Variants in SVEP1 observed in about 807,000 individuals in gnomAD.
SVEP1 encodes the protein sushi, von Willebrand factor type A, EGF and pentraxin domain-containing protein 1.
SVEP1 carries 164 observed loss-of-function variants against 367.3 expected under a neutral mutation model. The observed-to-expected ratio is 0.45, with a 90% confidence interval of 0.39 to 0.51. The LOEUF (loss-of-function observed/expected upper bound fraction) is 0.51. Ranked by LOEUF, SVEP1 falls within the 20% of genes least tolerant of loss-of-function variation. The pLI is 0.00. For missense variants in SVEP1, 4,117 were observed against 4,425.3 expected, an observed-to-expected ratio of 0.93 and a Z score of 1.98; for synonymous variants, 1,666 against 1,611.6, an observed-to-expected ratio of 1.03 and a Z score of -0.81.
intron 22 of SVEP1, among the ~76,000 whole-genome samples, chr9:110,452,891 CTATATA>C (rs1828714616): frequency 6.6e-6 from 1 of 152,104 alleles, no homozygotes; most frequent in African/African-American, 2.4e-5. Flanking sequence ...AAATGTCTCC[CTATATA>C]TAAACTTTCA....
chr9:110,481,912 T>G (rs899102842), intron 11 of SVEP1, among the ~76,000 whole-genome samples: 15 of 152,032 alleles, frequency 9.9e-5, no homozygotes, highest in Non-Finnish European at 2.1e-4. Flanking sequence ...AGGGTTTCAC[T>G]ACATTGGCCA....
At position 110,369,974 on chromosome 9, in the gene SVEP1, C is replaced by T. The variant is rs1654139483; in HGVS notation, c.10643G>A (p.Arg3548Lys). 1 of 1,613,318 alleles carries T rather than the reference C, an allele frequency of 6.2e-7. No homozygotes were observed. The highest frequency in any genetic ancestry group is 8.5e-7 in the Non-Finnish European group (1 of 1,179,564). The change falls in exon 47 of 48, where the codon AGA (arginine) becomes AAA (lysine). Residue 3548 changes from arginine to lysine, a missense_variant. By Grantham distance (26) the Arg-to-Lys change is conservative. Transcript: ENST00000374469. ...SPCLNGGKCV[R>K]PNRCHCLSSW... ...AGAAAGACAGTGACATCGGTTTGGT[C>T]TTACACATTTTCCACCATTTAAGCA...
chr9:110,437,765 T>C (rs1334968247), intron 27 of SVEP1, among the ~76,000 whole-genome samples: 1 of 152,158 alleles, frequency 6.6e-6, no homozygotes, highest in Non-Finnish European at 1.5e-5. Context: ...GTACCCAATG[T>C]GTAGTCTTTT....
intron 40 of SVEP1, among the ~76,000 whole-genome samples, chr9:110,396,424 TCACAA>T (rs1827760676): frequency 6.6e-6 from 1 of 151,818 alleles, no homozygotes; most frequent in African/African-American, 2.4e-5. Context: ...CACCCTAACA[TCACAA>T]CTAAAAGAAC....
intron 25 of SVEP1, 66 bp downstream of exon 25, chr9:110,446,834 T>C (rs1302035424): frequency 7.3e-7 from 1 of 1,366,734 alleles, no homozygotes; most frequent in Admixed American, 3.1e-5. Flanking sequence ...GCAGGCAAAA[T>C]TGGTATTATT....
At chr9:110,482,289 T>A in intron 11 of SVEP1, 72 bp downstream of exon 11, 2 of 1,470,410 alleles carry the variant, frequency 1.4e-6, no homozygotes, top group Non-Finnish European at 1.8e-6. Context: ...TTTTCTTTCA[T>A]AAAACAGAGC....
rs1267446012 is a variant in SVEP1 at position 110,532,272 on chromosome 9, A to C, written c.964+13843T>G. ...AAAAGAAAACCTACCAAACATTATA[A>C]TACCATATGGTAAGTGTGAACAGAG... On this transcript the variant is annotated intron_variant, in intron 3 of 47. Coordinates refer to ENST00000374469, the MANE Select transcript of SVEP1 (RefSeq NM_153366.4). Among the ~76,000 whole-genome samples the C allele has an allele frequency of 3.3e-5, 5 of 152,196 alleles. No homozygotes were observed. The South Asian group carries it at 1.0e-3, about 32-fold the overall frequency.
At chr9:110,451,574 A>G (rs1361812334) in intron 22 of SVEP1, among the ~76,000 whole-genome samples, 172 bp from the exon 23 acceptor site, 1 of 152,144 alleles carries the variant, frequency 6.6e-6, no homozygotes. Context: ...GAACTGCAAA[A>G]TTTTTCTAGC....
intron 18 of SVEP1, among the ~76,000 whole-genome samples, chr9:110,463,488 A>G (rs1243053862): frequency 6.6e-6 from 1 of 152,090 alleles, no homozygotes; most frequent in Admixed American, 6.5e-5. Context: ...TTAGCACAAA[A>G]TAAAACAGTA....
At chr9:110,366,629 T>C (rs1315826953) in intron 47 of SVEP1, 69 bp from the exon 48 acceptor site, 2 of 1,452,740 alleles carry the variant, frequency 1.4e-6, no homozygotes, top group Non-Finnish European at 1.8e-6. Flanking sequence ...CTAACATCTC[T>C]TTAGGAGTTG....
intron 40 of SVEP1, among the ~76,000 whole-genome samples, chr9:110,399,867 A>C (rs972623562): frequency 2.6e-5 from 4 of 152,196 alleles, no homozygotes; most frequent in Non-Finnish European, 4.4e-5. Flanking sequence ...GTAACAATAA[A>C]AATAAAAAAG....
At chr9:110,458,718 A>G (rs186395987) in intron 19 of SVEP1, among the ~76,000 whole-genome samples, 156 bp from the exon 20 acceptor site, 1 of 152,350 alleles carries the variant, frequency 6.6e-6, no homozygotes, top group Non-Finnish European at 1.5e-5. Flanking sequence ...GATGGATGGC[A>G]TACATCATTA....
At chr9:110,572,383 C>T (rs1450312954) in intron 1 of SVEP1, among the ~76,000 whole-genome samples, 1 of 152,148 alleles carries the variant, frequency 6.6e-6, no homozygotes, top group Non-Finnish European at 1.5e-5. Flanking sequence ...TTCAACCAAA[C>T]AGAATATAAC....
chr9:110,520,022 T>A (rs1829857809), intron 3 of SVEP1, among the ~76,000 whole-genome samples: 1 of 152,190 alleles, frequency 6.6e-6, no homozygotes, highest in African/African-American at 2.4e-5. Flanking sequence ...CTACAGATTT[T>A]ATAAATTATT....
Position 110,465,923 on chromosome 9 carries a change from C to T in SVEP1, c.3264G>A (p.Ser1088=), listed in dbSNP as rs757854629. Reference sequence around the variant, plus strand: ...TCACAGTTGAGGTGTTTTCTGGACACGAGAGGCAGCTCCGGGAACCAAATT... The same window carrying T: ...TCACAGTTGAGGTGTTTTCTGGACATGAGAGGCAGCTCCGGGAACCAAATT... ...QPKFGSRSCL[S]CPENTSTVKR... The change falls in exon 18 of 48, where the codon TCG becomes TCA. Residue 1088 remains serine (S), a synonymous_variant. Coordinates refer to ENST00000374469, the MANE Select transcript of SVEP1 (RefSeq NM_153366.4). 3.3e-5 allele frequency: 54 copies of T among 1,612,648 alleles called. No individual in the cohort carries two copies. The South Asian group carries it at 4.6e-4, about 14-fold the overall frequency.
chr9:110,403,295 C>CTTTTTTTTTT (rs1827891614), intron 39 of SVEP1, among the ~76,000 whole-genome samples: 2 of 36,890 alleles, frequency 5.4e-5, no homozygotes, highest in African/African-American at 2.6e-4. Flanking sequence ...CCGCCACCGC[C>CTTTTTTTTTT]GTTTTTTTTT....
chr9:110,517,557 C>A (rs1454384062), intron 3 of SVEP1, among the ~76,000 whole-genome samples: 1 of 149,004 alleles, frequency 6.7e-6, no homozygotes, highest in East Asian at 2.0e-4. Flanking sequence ...AAGATCACAC[C>A]ACTGAACTCC....
At chr9:110,560,102 A>T (rs1830407104) in intron 1 of SVEP1, among the ~76,000 whole-genome samples, 1 of 152,286 alleles carries the variant, frequency 6.6e-6, no homozygotes, top group Non-Finnish European at 1.5e-5. Flanking sequence ...GTGATCTCAT[A>T]AGATTATAAT....
rs1828400923 is a variant in SVEP1, at chr9:110,434,439, G to A, written c.4956C>T (p.Ser1652=). 9 of 1,613,516 alleles carry A rather than the reference G, an allele frequency of 5.6e-6. No homozygotes were observed. Among genetic ancestry groups the A allele is most frequent in the Non-Finnish European group, 7.6e-6 (9 of 1,179,742 alleles). The change falls in exon 30 of 48, where the codon TCC becomes TCT. Residue 1652 remains serine, a synonymous_variant. Transcript: ENST00000374469. ...CTGGATCACAGAACAGATTGACTTTGGAACCTGGCTTTAAATCTTCAGATG... is the reference window on the plus strand; with the variant it reads ...CTGGATCACAGAACAGATTGACTTTAGAACCTGGCTTTAAATCTTCAGATG... The part of the protein sequence containing the change: ...RTASEDLKPG[S]KVNLFCDPGF...
Sources: allele counts gnomAD v4.1 joint callset (sites outside exome capture counted in the v4.1 genomes callset), GRCh38; gene constraint gnomAD v4.1.1; transcripts MANE v1.5; gene names NCBI Gene and HGNC (gene_info 2026-07-23, HGNC 2026-07-21).